The following DNAJC6 variants were observed in gnomAD, a reference collection of about 807,000 sequenced individuals.
DNAJC6 encodes the protein auxilin.
DNAJC6 carries 34 observed loss-of-function variants against 110.0 expected under a neutral mutation model. That is an observed-to-expected ratio of 0.31 (90% CI 0.24 to 0.41). The LOEUF is 0.41. Ranked by LOEUF, DNAJC6 falls within the 10% of genes least tolerant of loss-of-function variation. DNAJC6 has a pLI of 1.00. For synonymous variants in DNAJC6, 406 were observed against 437.2 expected (o/e 0.93, Z 0.89); for missense variants, 1,031 against 1,207.8 (o/e 0.85, Z 2.17).
chr1:65,391,403 G>A (rs1287065550), intron 11 of DNAJC6, among the ~76,000 whole-genome samples: 1 of 152,122 alleles, frequency 6.6e-6, no homozygotes, highest in African/African-American at 2.4e-5. Flanking sequence ...CTATCTCAGG[G>A]AGGGCTTAGA....
At chr1:65,356,951 T>C (rs1391880484) in intron 1 of DNAJC6, among the ~76,000 whole-genome samples, 2 of 152,208 alleles carry the variant, frequency 1.3e-5, no homozygotes, top group Non-Finnish European at 2.9e-5. Flanking sequence ...AGTGGCTTTT[T>C]CCATGGTATA....
rs750128331 is a variant in DNAJC6 at position 65,384,377 on chromosome 1, A to T, written c.800+51A>T. 4.3e-6 allele frequency: 6 copies of T among 1,402,258 alleles called. No individual in the cohort carries two copies. The African/African-American group carries it at 8.9e-5, about 21-fold the overall frequency. 86.9% of individuals were successfully genotyped at this position (1,402,258 alleles called of 1,614,324 possible). ...GCACAGATGTAGTCTAATTGGTATC[A>T]TGTACTGTTTTAAATCTGCCTTACA... is the stretch of plus-strand genomic sequence containing the variant. On this transcript the variant is annotated intron_variant, in intron 6 of 18. Coordinates refer to ENST00000371069, the MANE Select transcript of DNAJC6 (RefSeq NM_001256864.2).
chr1:65,312,320 G>T (rs1381335280), intron 1 of DNAJC6, among the ~76,000 whole-genome samples: 1 of 152,176 alleles, frequency 6.6e-6, no homozygotes, highest in African/African-American at 2.4e-5. Flanking sequence ...GATTTGTTTG[G>T]TTTGAATGAA....
At chr1:65,361,712 T>G (rs906417813) in intron 1 of DNAJC6, among the ~76,000 whole-genome samples, 14 of 152,244 alleles carry the variant, frequency 9.2e-5, no homozygotes, top group Non-Finnish European at 1.6e-4. Flanking sequence ...TAAACTGCTG[T>G]GACTGCTTTG....
At chr1:65,379,134 C>A (rs545491475) in intron 4 of DNAJC6, among the ~76,000 whole-genome samples, 3 of 152,196 alleles carry the variant, frequency 2.0e-5, no homozygotes, top group Non-Finnish European at 4.4e-5. Context: ...AGAAAAAAAT[C>A]CAAGGATGTA....
intron 1 of DNAJC6, among the ~76,000 whole-genome samples, chr1:65,267,998 C>G (rs1265041147): frequency 6.6e-6 from 1 of 151,964 alleles, no homozygotes; most frequent in Non-Finnish European, 1.5e-5. Context: ...CATAAAAACA[C>G]TAAAAATTAG....
At chr1:65,309,001 T>C (rs1037275292), upstream of DNAJC6, among the ~76,000 whole-genome samples, 5 of 152,246 alleles carry the variant, frequency 3.3e-5, no homozygotes, top group Admixed American at 2.6e-4. Context: ...AGATATATTC[T>C]GGCACTTAAC....
chr1:65,344,711 A>T (rs1191292467), intron 1 of DNAJC6, among the ~76,000 whole-genome samples: 1 of 152,112 alleles, frequency 6.6e-6, no homozygotes, highest in Middle Eastern at 3.2e-3. Context: ...CACTGTCATG[A>T]TTTACAGCGA....
intron 1 of DNAJC6, among the ~76,000 whole-genome samples, chr1:65,295,544 T>G (rs915018673): frequency 1.3e-5 from 2 of 152,206 alleles, no homozygotes; most frequent in Non-Finnish European, 2.9e-5. Flanking sequence ...CCATTCTTCT[T>G]GGTTGATAAA....
chr1:65,292,486 A>G (rs892214885), intron 1 of DNAJC6, among the ~76,000 whole-genome samples: 1 of 151,968 alleles, frequency 6.6e-6, no homozygotes, highest in African/African-American at 2.4e-5. Flanking sequence ...GCTGGGGTGC[A>G]GTGGCATGAA....
chr1:65,409,146 A>T (rs1227966052), intron 17 of DNAJC6, among the ~76,000 whole-genome samples: 1 of 152,152 alleles, frequency 6.6e-6, no homozygotes, highest in Admixed American at 6.5e-5. Flanking sequence ...TCATGAACTA[A>T]TCACCTCCCA....
At chr1:65,373,935 A>C (rs1337317703) in intron 4 of DNAJC6, among the ~76,000 whole-genome samples, 4 of 152,094 alleles carry the variant, frequency 2.6e-5, no homozygotes, top group Non-Finnish European at 5.9e-5. Flanking sequence ...TCAAGTTTTT[A>C]ATCAATTTTA....
chr1:65,380,911 G>GTTTTTTTTTTTTTTTTTTTTTTTTTTTTT lies in DNAJC6; in HGVS notation c.666+1391_666+1392insTTTTTTTTTTTTTTTTTTTTTTTTTTTTT, dbSNP rs1312055301. Among the ~76,000 whole-genome samples, 14 of 114,898 alleles carry GTTTTTTTTTTTTTTTTTTTTTTTTTTTTT rather than the reference G, an allele frequency of 1.2e-4. 3 individuals are homozygous for GTTTTTTTTTTTTTTTTTTTTTTTTTTTTT. Among genetic ancestry groups the GTTTTTTTTTTTTTTTTTTTTTTTTTTTTT allele is most frequent in the African/African-American group, 5.6e-4 (13 of 23,298 alleles). 75.4% of individuals were successfully genotyped at this position (114,898 alleles called of 152,430 possible). A position where few individuals can be genotyped will look rare whatever the true frequency, so the allele number is the denominator to read the frequency against. ...GGGAGTTTTTTTTTTTTTGTTTTTTGTTTTGTTTTGTTTTTTTTTTTTTTT... is the reference window on the plus strand; with the variant it reads ...GGGAGTTTTTTTTTTTTTGTTTTTTGTTTTTTTTTTTTTTTTTTTTTTTTTTTTTTTTTGTTTTGTTTTTTTTTTTTTTT... On this transcript the variant is annotated intron_variant, in intron 5 of 18. Transcript: ENST00000371069.
chr1:65,405,990 G>A lies in DNAJC6; in HGVS notation c.2348G>A (p.Gly783Asp), dbSNP rs1169192842. 3.4e-5 allele frequency: 55 copies of A among 1,614,070 alleles called. No individual in the cohort carries two copies. Among genetic ancestry groups the A allele is most frequent in the Non-Finnish European group, 4.2e-5 (50 of 1,180,060 alleles). The change falls in exon 16 of 19, where the codon GGT (glycine) becomes GAT (aspartate). Residue 783 changes from glycine (G) to aspartate (D), a missense_variant. By Grantham distance (94) the Gly-to-Asp change is moderately conservative. Transcript: ENST00000371069. Reference protein sequence around the residue: ...QPMGGGWQQGGAYNWQQPQPK... With the variant: ...QPMGGGWQQGDAYNWQQPQPK... ...ATGGGTGGCGGGTGGCAGCAGGGAG[G>A]TGCCTACAACTGGCAGCAGCCACAG...
In DNAJC6 at chr1:65,384,439, T is replaced by G. The variant is rs1302207011; in HGVS notation, c.800+113T>G. On this transcript the variant is annotated intron_variant, in intron 6 of 18. Transcript: ENST00000371069. ...AAGTTTCTTTTACTTTATCTCTGTA[T>G]TAGTCCATTTTAATATTGCTATGAA... is the stretch of plus-strand genomic sequence containing the variant. 41 of 1,063,198 alleles carry G rather than the reference T, an allele frequency of 3.9e-5. No individual in the cohort carries two copies. In the Admixed American group the frequency reaches 1.2e-3, roughly 32 times the overall value. 65.9% of individuals were successfully genotyped at this position (1,063,198 alleles called of 1,614,324 possible). A position where few individuals can be genotyped will look rare whatever the true frequency, so the allele number is the denominator to read the frequency against.
chr1:65,361,859 T>C (rs1291052275), intron 1 of DNAJC6, among the ~76,000 whole-genome samples: 1 of 152,190 alleles, frequency 6.6e-6, no homozygotes, highest in Non-Finnish European at 1.5e-5. Flanking sequence ...TTGCTTATTA[T>C]AACAAATAGC....
chr1:65,375,668 C>T (rs1044949959), intron 4 of DNAJC6, among the ~76,000 whole-genome samples: 16 of 151,136 alleles, frequency 1.1e-4, no homozygotes, highest in South Asian at 6.3e-4. Context: ...CCTCGTGATC[C>T]GCCTGCCTCA....
At chr1:65,331,288 T>A (rs1645286736) in intron 1 of DNAJC6, among the ~76,000 whole-genome samples, 1 of 152,226 alleles carries the variant, frequency 6.6e-6, no homozygotes, top group African/African-American at 2.4e-5. Context: ...CTCCCAGAAA[T>A]TCTCAGGATT....
At chr1:65,324,110 A>G (rs1246041430) in intron 1 of DNAJC6, among the ~76,000 whole-genome samples, 3 of 152,168 alleles carry the variant, frequency 2.0e-5, no homozygotes, top group Non-Finnish European at 4.4e-5. Flanking sequence ...TCAGTTTACA[A>G]GGCACTGAGC....
Sources: allele counts gnomAD v4.1 joint callset (sites outside exome capture counted in the v4.1 genomes callset), GRCh38; gene constraint gnomAD v4.1.1; transcripts MANE v1.5; gene names NCBI Gene and HGNC (gene_info 2026-07-23, HGNC 2026-07-21).